Variants in PARD3 observed in about 807,000 individuals in gnomAD.
PARD3 encodes the protein par-3 family cell polarity regulator.
A neutral mutation model predicts 155.4 loss-of-function variants in PARD3; 75 were observed. The ratio of observed to expected loss-of-function variants is 0.48; its 90% CI spans 0.40 to 0.58. PARD3 has a LOEUF of 0.58. PARD3 is among the 20% of genes least tolerant of loss of function. The pLI is 0.00. For missense variants in PARD3, 1,642 were observed against 1,721.7 expected, an observed-to-expected ratio of 0.95 and a Z score of 0.82; for synonymous variants, 576 against 610.5, an observed-to-expected ratio of 0.94 and a Z score of 0.83.
intron 23 of PARD3, among the ~76,000 whole-genome samples, chr10:34,120,705 A>G (rs1946947693): frequency 6.6e-6 from 1 of 152,164 alleles, no homozygotes; most frequent in South Asian, 2.1e-4. Context: ...CAAACCCAAA[A>G]GCTACTCGCT....
At chr10:34,486,595 G>A (rs1042145649) in intron 3 of PARD3, among the ~76,000 whole-genome samples, 7 of 152,226 alleles carry the variant, frequency 4.6e-5, no homozygotes, top group Non-Finnish European at 7.3e-5. Flanking sequence ...AGGTGACAAA[G>A]CAAACAAGGT....
chr10:34,297,739 C>T (rs541884348), intron 20 of PARD3, among the ~76,000 whole-genome samples: 3 of 152,306 alleles, frequency 2.0e-5, no homozygotes, highest in Non-Finnish European at 2.9e-5. Context: ...AGCAGCTGCA[C>T]TTTCAGAGGC....
At chr10:34,454,629 C>T (rs1044781548) in intron 4 of PARD3, among the ~76,000 whole-genome samples, 1 of 151,938 alleles carries the variant, frequency 6.6e-6, no homozygotes, top group South Asian at 2.1e-4. Context: ...AAAAAAAATG[C>T]CATAAGAAAT....
Position 34,284,183 on chromosome 10 carries a change from G to A in PARD3, c.3128C>T (p.Ser1043Phe). ...EKTGKIKIQE[S>F]FTSEEERIRM... Reference sequence around the variant, plus strand: ...TATCCTCTCCTCTTCTGATGTAAAGGATTCCTGTATTTTTATTTTACCCGT... The same window carrying A: ...TATCCTCTCCTCTTCTGATGTAAAGAATTCCTGTATTTTTATTTTACCCGT... Residue 1043 changes from serine (S) to phenylalanine (F), a missense_variant, in exon 21 of 25, where the codon TCC becomes TTC. Coordinates refer to ENST00000374788, the MANE Select transcript of PARD3 (RefSeq NM_001184785.2). The A allele has an allele frequency of 6.2e-7, 1 of 1,609,698 alleles. No individual in the cohort carries two copies. Among genetic ancestry groups the A allele is most frequent in the Non-Finnish European group, 8.5e-7 (1 of 1,177,940 alleles).
intron 2 of PARD3, among the ~76,000 whole-genome samples, chr10:34,564,091 G>C (rs1054144005): frequency 2.0e-5 from 3 of 152,152 alleles, no homozygotes; most frequent in Non-Finnish European, 4.4e-5. Context: ...GCAGTTACTT[G>C]TTCTAGCACC....
chr10:34,775,519 CAAAA>C (rs1446047483), intron 1 of PARD3, among the ~76,000 whole-genome samples: 6 of 152,084 alleles, frequency 3.9e-5, no homozygotes, highest in African/African-American at 9.7e-5. Context: ...AAAAAACAAA[CAAAA>C]AGAAAGGACA....
At chr10:34,395,371 T>C (rs1589421598) in intron 7 of PARD3, among the ~76,000 whole-genome samples, 1 of 152,234 alleles carries the variant, frequency 6.6e-6, no homozygotes, top group Middle Eastern at 3.4e-3. Context: ...AATGAAATGA[T>C]ATGGATGAAA....
At chr10:34,495,276 C>CA (rs1026797247) in intron 3 of PARD3, among the ~76,000 whole-genome samples, 1 of 152,108 alleles carries the variant, frequency 6.6e-6, no homozygotes, top group Non-Finnish European at 1.5e-5. Flanking sequence ...TTGCTTCTGA[C>CA]ACCTGCCAAG....
chr10:34,421,373 A>G (rs1448559452), intron 5 of PARD3, among the ~76,000 whole-genome samples: 1 of 150,110 alleles, frequency 6.7e-6, no homozygotes, highest in Non-Finnish European at 1.5e-5. Flanking sequence ...ATTTAATTAT[A>G]ATTTGTAATT....
intron 22 of PARD3, among the ~76,000 whole-genome samples, chr10:34,263,806 A>C (rs1488418071): frequency 6.6e-6 from 1 of 152,224 alleles, no homozygotes; most frequent in Admixed American, 6.5e-5. Flanking sequence ...AGAATTAAGA[A>C]GACTAGCTGC....
chr10:34,719,758 T>C (rs984751233), intron 1 of PARD3, among the ~76,000 whole-genome samples: 8 of 152,220 alleles, frequency 5.3e-5, no homozygotes, highest in Non-Finnish European at 1.2e-4. Flanking sequence ...GTTCAAGACT[T>C]TCAACTTTCA....
intron 9 of PARD3, 28 bp downstream of exon 9, chr10:34,382,512 C>A: frequency 6.3e-7 from 1 of 1,582,836 alleles, no homozygotes; most frequent in Non-Finnish European, 8.5e-7. Context: ...AAAGAAATTC[C>A]ACAAAACAAA....
At chr10:34,446,107 C>G (rs1446709161) in intron 5 of PARD3, among the ~76,000 whole-genome samples, 1 of 152,106 alleles carries the variant, frequency 6.6e-6, no homozygotes, top group Non-Finnish European at 1.5e-5. Flanking sequence ...CAAAGAGCCA[C>G]AAAAAGAAGA....
chr10:34,443,532 T>A (rs1219429296), intron 5 of PARD3, among the ~76,000 whole-genome samples: 1 of 152,106 alleles, frequency 6.6e-6, no homozygotes, highest in Non-Finnish European at 1.5e-5. Context: ...AGTCACATCT[T>A]ACATGGATGG....
At chr10:34,636,694 C>T (rs565161759) in intron 2 of PARD3, among the ~76,000 whole-genome samples, 11 of 152,268 alleles carry the variant, frequency 7.2e-5, no homozygotes, top group South Asian at 4.1e-4. Flanking sequence ...TCTGTCTCCA[C>T]GTTAATTTGA....
At chr10:34,592,042 A>G (rs552876436) in intron 2 of PARD3, among the ~76,000 whole-genome samples, 1 of 152,318 alleles carries the variant, frequency 6.6e-6, no homozygotes, top group East Asian at 1.9e-4. Flanking sequence ...CTTCACTTCT[A>G]GATTCCAAAA....
chr10:34,534,495 A>G (rs1207354976), intron 2 of PARD3, among the ~76,000 whole-genome samples: 6 of 152,168 alleles, frequency 3.9e-5, no homozygotes. Context: ...AATGGGTCAC[A>G]TGAGCTCTCA....
At chr10:34,439,839 C>T (rs1286172211) in intron 5 of PARD3, among the ~76,000 whole-genome samples, 3 of 152,092 alleles carry the variant, frequency 2.0e-5, no homozygotes, top group Non-Finnish European at 1.5e-5. Flanking sequence ...TACCGCAATA[C>T]CGTACTTTAA....
chr10:34,751,286 T>C (rs1363624162), intron 1 of PARD3, among the ~76,000 whole-genome samples: 1 of 152,208 alleles, frequency 6.6e-6, no homozygotes, highest in Non-Finnish European at 1.5e-5. Flanking sequence ...GTGCTGATGA[T>C]TTGGGTCAAA....
Sources: allele counts gnomAD v4.1 joint callset (sites outside exome capture counted in the v4.1 genomes callset), GRCh38; gene constraint gnomAD v4.1.1; transcripts MANE v1.5; gene names NCBI Gene and HGNC (gene_info 2026-07-23, HGNC 2026-07-21).